Variants in CUL1 observed in about 807,000 individuals in gnomAD.
The protein encoded by CUL1 is cullin-1.
Under a neutral mutation model 118.0 loss-of-function variants are expected in CUL1, and 24 were observed. The ratio of observed to expected loss-of-function variants is 0.20; its 90% confidence interval spans 0.15 to 0.29. CUL1 has a LOEUF of 0.29. Ranked by LOEUF, CUL1 falls within the 10% of genes least tolerant of loss-of-function variation. The pLI is 1.00. For synonymous variants in CUL1, 332 were observed against 340.4 expected (o/e 0.98, Z 0.27); for missense variants, 361 against 933.8 (o/e 0.39, Z 7.99).
At chr7:148,699,064 T>A (rs1051387506) in intron 1 of CUL1, 35 bp downstream of exon 1, 1 of 152,580 alleles carries the variant, frequency 6.6e-6, no homozygotes, top group Non-Finnish European at 1.4e-5. Flanking sequence ...CGAGAGGAGG[T>A]GGCGGCGGCG....
At position 148,760,139 on chromosome 7, in the gene CUL1, G is replaced by A. The variant is rs115032910; in HGVS notation, c.626-194G>A. 4.6e-3 allele frequency among the ~76,000 whole-genome samples: 700 copies of A among 152,150 alleles called. 3 individuals carry two copies. Among genetic ancestry groups the A allele is most frequent in the African/African-American group, 0.016 (649 of 41,512 alleles). Reference sequence around the variant, plus strand: ...GGTCAGAATTACTTGCTTTTTATACGTCTTGGATTTTTTTCCTTTTTTATT... The same window carrying A: ...GGTCAGAATTACTTGCTTTTTATACATCTTGGATTTTTTTCCTTTTTTATT... On this transcript the variant is annotated intron_variant, in intron 6 of 21. Transcript: ENST00000325222.
chr7:148,786,130 C>G (rs1242167046), intron 11 of CUL1, among the ~76,000 whole-genome samples: 2 of 152,080 alleles, frequency 1.3e-5, no homozygotes, highest in Non-Finnish European at 2.9e-5. Context: ...AATTTAAACC[C>G]CTTCATCATC....
rs375183610 is a variant in CUL1, at chr7:148,767,795, A to G, written c.1083+46A>G. 17 of 1,593,640 alleles carry G rather than the reference A, an allele frequency of 1.1e-5. No individual in the cohort carries two copies. In the Admixed American group the frequency reaches 1.4e-4, roughly 13 times the overall value. On this transcript the variant is annotated intron_variant, in intron 9 of 21. Transcript: ENST00000325222. ...AATCAGTCAGGCTGATTATTTCCAC[A>G]TGCGAACTGCAAGCATATGTTATGC...
At chr7:148,776,307 C>CCTTTTT (rs1800395793) in intron 9 of CUL1, among the ~76,000 whole-genome samples, 1 of 40,692 alleles carries the variant, frequency 2.5e-5, no homozygotes, top group Non-Finnish European at 4.1e-5. Flanking sequence ...CATAACCAGG[C>CCTTTTT]TTTTTTTTTT....
At chr7:148,792,185 C>CAAA (rs11340035) in intron 16 of CUL1, among the ~76,000 whole-genome samples, 1 of 143,724 alleles carries the variant, frequency 7.0e-6, no homozygotes, top group Non-Finnish European at 1.5e-5. Flanking sequence ...GACTTTGTCT[C>CAAA]AAAAAAAAAA....
chr7:148,717,540 T>G (rs2129459201), intron 1 of CUL1, among the ~76,000 whole-genome samples: 1 of 152,138 alleles, frequency 6.6e-6, no homozygotes, highest in South Asian at 2.1e-4. Context: ...CTCTTTCCAT[T>G]GCTGTTGGTC....
chr7:148,797,331 A>T (rs1801234483), intron 17 of CUL1, among the ~76,000 whole-genome samples: 1 of 149,978 alleles, frequency 6.7e-6, no homozygotes, highest in South Asian at 2.1e-4. Context: ...AACATCCCTA[A>T]TCCAAAAATC....
chr7:148,716,483 T>C (rs1563148323), intron 1 of CUL1, among the ~76,000 whole-genome samples: 2 of 152,346 alleles, frequency 1.3e-5, no homozygotes, highest in South Asian at 4.1e-4. Flanking sequence ...TGTAATTTTT[T>C]GTCCCATCTA....
At chr7:148,734,236 G>A (rs1027506759) in intron 2 of CUL1, among the ~76,000 whole-genome samples, 2 of 151,926 alleles carry the variant, frequency 1.3e-5, no homozygotes, top group African/African-American at 2.4e-5. Flanking sequence ...CATGTGTATA[G>A]TTACCATGCA....
chr7:148,718,718 AT>A (rs11343118), intron 1 of CUL1, among the ~76,000 whole-genome samples: 67,876 of 151,718 alleles, frequency 0.45, 16,017 homozygotes, highest in African/African-American at 0.61. Context: ...TGGATGTATG[AT>A]TTTTTTTGTT....
At chr7:148,709,697 A>C (rs1797990540) in intron 1 of CUL1, among the ~76,000 whole-genome samples, 1 of 152,252 alleles carries the variant, frequency 6.6e-6, no homozygotes, top group Non-Finnish European at 1.5e-5. Context: ...TAGGCTGGGC[A>C]GTGAAGACTA....
chr7:148,721,551 A>G lies in CUL1; in HGVS notation c.-161-8411A>G, dbSNP rs538896711. Among the ~76,000 whole-genome samples the G allele has an allele frequency of 9.2e-5, 14 of 152,284 alleles. No individual in the cohort carries two copies. The South Asian group carries it at 2.9e-3, about 32-fold the overall frequency. ...CCCTAGCTAGTATATATATTTTTCA[A>G]CATATGTACAATGAAACCACAGTAG... On this transcript the variant is annotated intron_variant, in intron 1 of 21. Transcript: ENST00000325222.
intron 1 of CUL1, among the ~76,000 whole-genome samples, chr7:148,700,907 T>C (rs1797700563): frequency 6.6e-6 from 1 of 152,184 alleles, no homozygotes; most frequent in South Asian, 2.1e-4. Context: ...CTAATGTGTG[T>C]ACCACATCAG....
At chr7:148,704,111 T>C (rs1257380225) in intron 1 of CUL1, among the ~76,000 whole-genome samples, 1 of 151,630 alleles carries the variant, frequency 6.6e-6, no homozygotes, top group Non-Finnish European at 1.5e-5. Context: ...AAATTTACTT[T>C]CCTTACTGTA....
intron 17 of CUL1, 89 bp downstream of exon 17, chr7:148,792,907 G>A (rs1801065684): frequency 1.1e-6 from 1 of 888,022 alleles, no homozygotes; most frequent in African/African-American, 1.7e-5. Context: ...AGAGGATATG[G>A]GCATCTTTAA....
At chr7:148,782,999 T>C (rs1288809421) in intron 9 of CUL1, among the ~76,000 whole-genome samples, 2 of 152,060 alleles carry the variant, frequency 1.3e-5, no homozygotes, top group Non-Finnish European at 2.9e-5. Context: ...GTCTGTAGAA[T>C]GGGGATGAAA....
At chr7:148,710,941 T>G (rs1201945447) in intron 1 of CUL1, among the ~76,000 whole-genome samples, 1 of 152,052 alleles carries the variant, frequency 6.6e-6, no homozygotes, top group Non-Finnish European at 1.5e-5. Flanking sequence ...GTACTGAGAT[T>G]ACAGGCAGGA....
At chr7:148,780,110 C>G (rs1800571508) in intron 9 of CUL1, among the ~76,000 whole-genome samples, 1 of 76,958 alleles carries the variant, frequency 1.3e-5, no homozygotes, top group African/African-American at 7.1e-5. Context: ...TTAATAAACT[C>G]CCGTATATAT....
chr7:148,718,537 C>T (rs930089840), intron 1 of CUL1, among the ~76,000 whole-genome samples: 1 of 146,956 alleles, frequency 6.8e-6, no homozygotes, highest in Non-Finnish European at 1.5e-5. Flanking sequence ...GGTTCATCCA[C>T]GCTGCATCAG....
Sources: gnomAD v4.1 joint callset for allele counts (sites outside exome capture counted in the v4.1 genomes callset) on GRCh38, gnomAD v4.1.1 for gene constraint, MANE v1.5 for transcripts, NCBI Gene and HGNC (gene_info 2026-07-23, HGNC 2026-07-21) for gene names.